Variants in VWA3B observed in about 807,000 individuals in gnomAD.
VWA3B encodes the protein von Willebrand factor A domain-containing protein 3B.
VWA3B carries 138 observed loss-of-function variants against 158.3 expected under a neutral mutation model. The observed-to-expected ratio is 0.87, with a 90% CI of 0.76 to 1.00. The LOEUF is 1.00. Ranked by LOEUF, VWA3B falls within the 50% of genes least tolerant of loss-of-function variation. The pLI is 0.00. For missense variants in VWA3B, 1,555 were observed against 1,565.1 expected, an observed-to-expected ratio of 0.99 and a Z score of 0.11; for synonymous variants, 596 against 587.3, an observed-to-expected ratio of 1.01 and a Z score of -0.21.
At chr2:98,273,629 T>G (rs1310530302) in intron 22 of VWA3B, among the ~76,000 whole-genome samples, 1 of 152,164 alleles carries the variant, frequency 6.6e-6, no homozygotes, top group Non-Finnish European at 1.5e-5. Context: ...GCTCTTTCAC[T>G]TATTCATTGA....
intron 15 of VWA3B, 83 bp from the exon 16 acceptor site, chr2:98,229,967 G>T: frequency 7.0e-7 from 1 of 1,426,456 alleles, no homozygotes; most frequent in South Asian, 1.5e-5. Context: ...CAACATGAAT[G>T]TATTGACTTA....
chr2:98,120,931 A>G (rs898727310), intron 4 of VWA3B, among the ~76,000 whole-genome samples: 1 of 152,228 alleles, frequency 6.6e-6, no homozygotes, highest in East Asian at 1.9e-4. Flanking sequence ...GCAAACCTTA[A>G]TACTGTGAAT....
At chr2:98,154,134 T>C (rs1175475146) in intron 7 of VWA3B, among the ~76,000 whole-genome samples, 1 of 152,110 alleles carries the variant, frequency 6.6e-6, no homozygotes, top group Non-Finnish European at 1.5e-5. Flanking sequence ...AGTGCTGGGG[T>C]TACAGGTGTG....
intron 13 of VWA3B, 54 bp downstream of exon 13, chr2:98,212,082 T>C (rs1683576579): frequency 6.5e-6 from 10 of 1,535,884 alleles, no homozygotes; most frequent in Non-Finnish European, 9.0e-6. Flanking sequence ...TGAAAGCAAA[T>C]GCTGGAAATG....
chr2:98,176,934 G>A (rs1432150262), intron 8 of VWA3B, among the ~76,000 whole-genome samples: 3 of 152,268 alleles, frequency 2.0e-5, no homozygotes, highest in South Asian at 2.1e-4. Flanking sequence ...TTATTCATAC[G>A]CTGACAGCCC....
At chr2:98,089,597 G>A (rs965835761) in intron 1 of VWA3B, among the ~76,000 whole-genome samples, 1 of 151,596 alleles carries the variant, frequency 6.6e-6, no homozygotes, top group African/African-American at 2.4e-5. Flanking sequence ...CCACTTGAGT[G>A]GAACAATTCC....
intron 8 of VWA3B, among the ~76,000 whole-genome samples, chr2:98,165,735 G>C (rs1679012883): frequency 6.6e-6 from 1 of 152,214 alleles, no homozygotes; most frequent in African/African-American, 2.4e-5. Flanking sequence ...GGTTGCTGTG[G>C]TTGCATTGCC....
intron 13 of VWA3B, among the ~76,000 whole-genome samples, 189 bp from the exon 14 acceptor site, chr2:98,217,657 G>A (rs537296284): frequency 6.6e-6 from 1 of 152,262 alleles, no homozygotes; most frequent in South Asian, 2.1e-4. Flanking sequence ...GTGGATCATT[G>A]TACTCTCACC....
At chr2:98,211,434 T>A (rs933420137) in intron 12 of VWA3B, among the ~76,000 whole-genome samples, 4 of 152,238 alleles carry the variant, frequency 2.6e-5, no homozygotes, top group Non-Finnish European at 4.4e-5. Context: ...TACTACGATT[T>A]GAGAGATTGC....
chr2:98,200,276 C>T (rs765549857), intron 12 of VWA3B, among the ~76,000 whole-genome samples: 2 of 152,138 alleles, frequency 1.3e-5, no homozygotes, highest in Non-Finnish European at 2.9e-5. Context: ...GGCACGGTGG[C>T]TCACGCCTGT....
At chr2:98,185,067 A>G (rs190898030) in intron 9 of VWA3B, among the ~76,000 whole-genome samples, 4 of 151,618 alleles carry the variant, frequency 2.6e-5, no homozygotes, top group Non-Finnish European at 5.9e-5. Flanking sequence ...TTCCTCCCCA[A>G]CTCCATCTCT....
At chr2:98,274,583 GA>G (rs954135210) in intron 22 of VWA3B, among the ~76,000 whole-genome samples, 1 of 152,190 alleles carries the variant, frequency 6.6e-6, no homozygotes, top group African/African-American at 2.4e-5. Flanking sequence ...GTTCCCTGGG[GA>G]ACGTGGCAGG....
intron 13 of VWA3B, among the ~76,000 whole-genome samples, chr2:98,214,221 C>CAA (rs146956559): frequency 0.047 from 7,016 of 150,260 alleles, 237 homozygotes; most frequent in Middle Eastern, 0.082. Context: ...AAGCAAAACA[C>CAA]AAAAAAAACA....
At chr2:98,101,315 T>G (rs570905212) in intron 2 of VWA3B, among the ~76,000 whole-genome samples, 12 of 152,316 alleles carry the variant, frequency 7.9e-5, no homozygotes, top group African/African-American at 2.9e-4. Flanking sequence ...GCATGATGTA[T>G]TGTTGGGATG....
At chr2:98,164,378 T>G (rs1258643365) in intron 8 of VWA3B, among the ~76,000 whole-genome samples, 1 of 152,204 alleles carries the variant, frequency 6.6e-6, no homozygotes, top group Non-Finnish European at 1.5e-5. Context: ...GGAAGACTGA[T>G]TTGCATTCCC....
At chr2:98,129,140 G>A (rs1242216886) in intron 6 of VWA3B, among the ~76,000 whole-genome samples, 1 of 152,136 alleles carries the variant, frequency 6.6e-6, no homozygotes, top group African/African-American at 2.4e-5. Flanking sequence ...CTCTCTCCCC[G>A]CCTTGTAGGC....
intron 12 of VWA3B, among the ~76,000 whole-genome samples, chr2:98,210,856 C>G (rs372493185): frequency 6.6e-6 from 1 of 152,204 alleles, no homozygotes; most frequent in Admixed American, 6.5e-5. Context: ...AGAATAACCT[C>G]CTAGGCTTTG....
intron 1 of VWA3B, among the ~76,000 whole-genome samples, chr2:98,092,028 G>A (rs1474609448): frequency 6.6e-6 from 1 of 152,234 alleles, no homozygotes; most frequent in East Asian, 1.9e-4. Context: ...GGGTCCAGTT[G>A]ATCCCAGAAC....
chr2:98,087,665 C>G (rs1202033360), intron 1 of VWA3B, among the ~76,000 whole-genome samples: 1 of 152,184 alleles, frequency 6.6e-6, no homozygotes, highest in Admixed American at 6.5e-5. Flanking sequence ...TAGTTTCTGT[C>G]TATGCCATAG....
Sources: gnomAD v4.1 joint callset for allele counts (sites outside exome capture counted in the v4.1 genomes callset) on GRCh38, gnomAD v4.1.1 for gene constraint, MANE v1.5 for transcripts, NCBI Gene and HGNC (gene_info 2026-07-23, HGNC 2026-07-21) for gene names.